Variants in NHS observed in about 807,000 individuals in gnomAD.
NHS encodes the protein NHS actin remodeling regulator.
Under a neutral mutation model 72.5 loss-of-function variants are expected in NHS, and 5 were observed. The ratio of observed to expected loss-of-function variants is 0.07; its 90% CI spans 0.04 to 0.14. NHS has a LOEUF of 0.14. Ranked by LOEUF, NHS falls within the 10% of genes least tolerant of loss-of-function variation. The probability of loss-of-function intolerance (pLI) is 1.00; values close to 1 mark genes in which losing one functional copy is unlikely to be tolerated. For missense variants in NHS, 1,072 were observed against 1,355.7 expected (o/e 0.79, Z 3.29); for synonymous variants, 464 against 547.7 (o/e 0.85, Z 2.13).
At chrX:17,601,603 C>G (rs2065649793) in intron 1 of NHS, among the ~76,000 whole-genome samples, 1 of 111,477 alleles carries the variant, frequency 9.0e-6, no homozygotes, top group Non-Finnish European at 1.9e-5. Context: ...AACATTATGT[C>G]TAGAGCTTTA....
In NHS at chrX:17,561,557, TGCGCGCGC is replaced by T. The variant is rs1240571846; in HGVS notation, c.566-126174_566-126167del. Among the ~76,000 whole-genome samples, 176 of 76,484 alleles carry T rather than the reference TGCGCGCGC, an allele frequency of 2.3e-3. 1 individual carries two copies. The highest frequency in any genetic ancestry group is 7.9e-3 in the African/African-American group (150 of 19,081). 66.4% of individuals were successfully genotyped at this position (76,484 alleles called of 115,157 possible). A position where few individuals can be genotyped will look rare whatever the true frequency, so the allele number is the denominator to read the frequency against. ...TGAGTTCTTCACACATGCAAGTGCA[TGCGCGCGC>T]GCGCGCGCGCACACACACACACACA... On this transcript the variant is annotated intron_variant, in intron 1 of 8. Transcript: ENST00000676302.
intron 1 of NHS, among the ~76,000 whole-genome samples, chrX:17,500,661 C>A (rs746743232): frequency 8.9e-6 from 1 of 111,955 alleles, no homozygotes; most frequent in East Asian, 2.8e-4. Flanking sequence ...GAGCTTTAAG[C>A]GGTAACTTGA....
chrX:17,489,177 T>C (rs1399921850), intron 1 of NHS, among the ~76,000 whole-genome samples: 2 of 112,399 alleles, frequency 1.8e-5, no homozygotes, highest in Non-Finnish European at 3.8e-5. Context: ...ATATTTTCTT[T>C]ATCCAGTCTA....
chrX:17,416,069 G>GT (rs1263588312), intron 1 of NHS, among the ~76,000 whole-genome samples: 4 of 111,410 alleles, frequency 3.6e-5, no homozygotes, highest in Non-Finnish European at 5.6e-5. Flanking sequence ...ATTTATGGAT[G>GT]CCCTGTTCAC....
intron 1 of NHS, among the ~76,000 whole-genome samples, chrX:17,596,348 G>C (rs7052553): frequency 0.025 from 2,853 of 111,959 alleles, 94 homozygotes; most frequent in African/African-American, 0.088. Context: ...CTCTTTGCTT[G>C]CTTGTCTACA....
intron 3 of NHS, among the ~76,000 whole-genome samples, chrX:17,695,942 A>AC (rs1491139247): frequency 1.1e-3 from 106 of 93,126 alleles, no homozygotes; most frequent in Middle Eastern, 5.2e-3. Context: ...AAAAAAAAAA[A>AC]GGGGGGGGGT....
In NHS at chrX:17,509,111, G is replaced by C. The variant is rs1490334270; in HGVS notation, c.565+132789G>C. Among the ~76,000 whole-genome samples the C allele has an allele frequency of 3.1e-4, 35 of 111,987 alleles. 2 individuals are homozygous for C. The highest frequency in any genetic ancestry group is 3.8e-5 in the Non-Finnish European group (2 of 53,229). On this transcript the variant is annotated intron_variant, in intron 1 of 8. Transcript: ENST00000676302. ...GTCCTGCAGGCATGATGGGGTTCAG[G>C]TAGAATCCCTTTAAAGTATCAGCTG...
intron 1 of NHS, among the ~76,000 whole-genome samples, chrX:17,483,211 C>A (rs988864404): frequency 1.1e-4 from 12 of 111,838 alleles, no homozygotes; most frequent in Middle Eastern, 4.7e-3. Context: ...CATAGGATTG[C>A]AAAGGAAGCC....
At chrX:17,577,841 A>G (rs2065520123) in intron 1 of NHS, among the ~76,000 whole-genome samples, 1 of 111,873 alleles carries the variant, frequency 8.9e-6, no homozygotes, top group Admixed American at 9.5e-5. Context: ...TACTTCATCA[A>G]ACTCTTTCCA....
intron 1 of NHS, among the ~76,000 whole-genome samples, chrX:17,448,457 C>A (rs1341245029): frequency 8.9e-6 from 1 of 111,902 alleles, no homozygotes; most frequent in Admixed American, 9.5e-5. Context: ...TGCCTTTCTC[C>A]TTTCATGAAT....
chrX:17,498,136 A>G (rs188166707), intron 1 of NHS, among the ~76,000 whole-genome samples: 2 of 112,215 alleles, frequency 1.8e-5, no homozygotes, highest in African/African-American at 6.5e-5. Context: ...TAGGTCACAT[A>G]ACTAGAAATG....
chrX:17,693,688 G>A lies in NHS; in HGVS notation c.852+1220G>A, dbSNP rs1021987291. On this transcript the variant is annotated intron_variant, in intron 3 of 8. Coordinates refer to ENST00000676302, the MANE Select transcript of NHS (RefSeq NM_001291867.2). Reference sequence around the variant, plus strand: ...AAAAACATTTTTCCTATTTGTAGCTGGACTGCAGGCAGGTCCTTCAGTGCT... The same window carrying A: ...AAAAACATTTTTCCTATTTGTAGCTAGACTGCAGGCAGGTCCTTCAGTGCT... Among the ~76,000 whole-genome samples the A allele has an allele frequency of 2.7e-5, 3 of 112,621 alleles. No individual in the cohort carries two copies. The Admixed American group carries it at 2.8e-4, about 11-fold the overall frequency.
intron 1 of NHS, among the ~76,000 whole-genome samples, chrX:17,519,038 C>T (rs2065134385): frequency 9.0e-6 from 1 of 111,643 alleles, no homozygotes; most frequent in Non-Finnish European, 1.9e-5. Context: ...GTGAATAAAG[C>T]ACTAAGTGTT....
intron 1 of NHS, among the ~76,000 whole-genome samples, chrX:17,596,786 G>T (rs750429049): frequency 8.9e-6 from 1 of 111,866 alleles, no homozygotes; most frequent in Non-Finnish European, 1.9e-5. Context: ...TGGGAGTGGG[G>T]AAGTGAGGGA....
At chrX:17,633,451 C>T (rs1426549801) in intron 1 of NHS, among the ~76,000 whole-genome samples, 1 of 112,056 alleles carries the variant, frequency 8.9e-6, no homozygotes, top group Non-Finnish European at 1.9e-5. Flanking sequence ...ACGGACAGCA[C>T]CCCAGCAAGA....
At chrX:17,568,772 C>G (rs1479603367) in intron 1 of NHS, among the ~76,000 whole-genome samples, 1 of 107,983 alleles carries the variant, frequency 9.3e-6, no homozygotes, top group Non-Finnish European at 1.9e-5. Context: ...ACCCATCAAC[C>G]CATCACCTAC....
At position 17,681,681 on chromosome X, in the gene NHS, G is replaced by A. The variant is rs576273536; in HGVS notation, c.566-6061G>A. Among the ~76,000 whole-genome samples, 22 of 112,173 alleles carry A rather than the reference G, an allele frequency of 2.0e-4. No individual in the cohort carries two copies. In the South Asian group the frequency reaches 8.2e-3, roughly 42 times the overall value. ...GCAACTAGAACCCAGGCTTCTACTGGTCTTTCCACAGGATGTTGGACATTA... is the reference window on the plus strand; with the variant it reads ...GCAACTAGAACCCAGGCTTCTACTGATCTTTCCACAGGATGTTGGACATTA... On this transcript the variant is annotated intron_variant, in intron 1 of 8. Coordinates refer to ENST00000676302, the MANE Select transcript of NHS (RefSeq NM_001291867.2).
At chrX:17,568,770 A>T (rs2065459597) in intron 1 of NHS, among the ~76,000 whole-genome samples, 1 of 107,883 alleles carries the variant, frequency 9.3e-6, no homozygotes, top group Non-Finnish European at 1.9e-5. Context: ...GCACCCATCA[A>T]CCCATCACCT....
intron 3 of NHS, among the ~76,000 whole-genome samples, chrX:17,704,701 T>C (rs2066286264): frequency 8.9e-6 from 1 of 111,860 alleles, no homozygotes; most frequent in African/African-American, 3.3e-5. Flanking sequence ...GAGAGAAGTG[T>C]TGGTTCCTGA....
Sources: allele counts gnomAD v4.1 joint callset (sites outside exome capture counted in the v4.1 genomes callset), GRCh38; gene constraint gnomAD v4.1.1; transcripts MANE v1.5; gene names NCBI Gene and HGNC (gene_info 2026-07-23, HGNC 2026-07-21).